BCCIP: variants seen among roughly 807,000 people sequenced by gnomAD.
BCCIP encodes BRCA2 and CDKN1A interacting protein, also known as BRCA2 and CDKN1A-interacting protein.
A neutral mutation model predicts 32.8 loss-of-function variants in BCCIP; 23 were observed. That is an observed-to-expected ratio of 0.70 (90% CI 0.51 to 0.99). The LOEUF (loss-of-function observed/expected upper bound fraction) is 0.99, where lower values mean the gene tolerates loss of function less well. Ranked by LOEUF, BCCIP falls within the 50% of genes least tolerant of loss-of-function variation. The probability of loss-of-function intolerance (pLI) is 0.00; values close to 1 mark genes in which losing one functional copy is unlikely to be tolerated. For missense variants in BCCIP, 378 were observed against 379.8 expected (o/e 1.00, Z 0.04); for synonymous variants, 144 against 137.6 (o/e 1.05, Z -0.33).
intron 7 of BCCIP, among the ~76,000 whole-genome samples, chr10:125,847,862 G>A (rs993669679): frequency 1.3e-5 from 2 of 151,962 alleles, no homozygotes; most frequent in Admixed American, 6.6e-5. Context: ...AATAGGGTTC[G>A]AGCTCCTACG....
rs935044344 is a variant in BCCIP at position 125,836,520 on chromosome 10, A to C, written c.*246A>C. On this transcript the variant is annotated 3_prime_UTR_variant, in exon 7 of 7. Transcript: ENST00000278100. ...CATGGAGTAGTAATTTAAAGAACTC[A>C]ATAAAAACTTCTATTTTTTATTTTA... The C allele has an allele frequency of 2.2e-6, 3 of 1,343,554 alleles. No individual in the cohort carries two copies. In the African/African-American group the frequency reaches 4.4e-5, roughly 20 times the overall value. 83.2% of individuals were successfully genotyped at this position (1,343,554 alleles called of 1,614,324 possible). A position where few individuals can be genotyped will look rare whatever the true frequency, so the allele number is the denominator to read the frequency against.
chr10:125,831,103 C>T (rs1854511976), intron 4 of BCCIP, among the ~76,000 whole-genome samples: 1 of 152,194 alleles, frequency 6.6e-6, no homozygotes, highest in African/African-American at 2.4e-5. Context: ...AAGATGCAGG[C>T]TACACTTAGT....
chr10:125,851,780 G>A (rs1944092127), intron 7 of BCCIP, among the ~76,000 whole-genome samples: 1 of 152,044 alleles, frequency 6.6e-6, no homozygotes, highest in South Asian at 2.1e-4. Flanking sequence ...ACATTAATAA[G>A]TGTGGTGGCT....
rs575453716 is a variant in BCCIP at position 125,842,120 on chromosome 10, G to C, written c.*761G>C. 1.4e-5 allele frequency: 11 copies of C among 761,304 alleles called. No homozygotes were observed. The South Asian group carries it at 2.4e-4, about 16-fold the overall frequency. The allele number at this position is 761,304 out of a possible 1,614,324, so 47.2% of individuals were successfully genotyped here. A position where few individuals can be genotyped will look rare whatever the true frequency, so the allele number is the denominator to read the frequency against. On this transcript the variant is annotated 3_prime_UTR_variant, in exon 7 of 7. Transcript: ENST00000299130. Reference sequence around the variant, plus strand: ...TTCTTGAGAGGGCAAACTCAGGAGGGGAGCCCTGTGATTGTCCAGCTCATG... The same window carrying C: ...TTCTTGAGAGGGCAAACTCAGGAGGCGAGCCCTGTGATTGTCCAGCTCATG...
chr10:125,838,313 C>CA, downstream of BCCIP: 1 of 1,613,832 alleles, frequency 6.2e-7, no homozygotes. Flanking sequence ...AGTAACCAGA[C>CA]AGGGGATGCA....
At chr10:125,844,457 A>G (rs1458006999), downstream of BCCIP, among the ~76,000 whole-genome samples, 1 of 152,246 alleles carries the variant, frequency 6.6e-6, no homozygotes, top group Non-Finnish European at 1.5e-5. Context: ...GGTTAGTAAC[A>G]TAAATGACTT....
chr10:125,824,913 A>C (rs908418358), intron 1 of BCCIP, among the ~76,000 whole-genome samples: 1 of 152,278 alleles, frequency 6.6e-6, no homozygotes, highest in Admixed American at 6.5e-5. Flanking sequence ...AGAGGTAATC[A>C]TGAGTCATGA....
exon 8 of BCCIP, chr10:125,853,237 G>A (rs192828114): frequency 1.9e-6 from 3 of 1,598,720 alleles, no homozygotes; most frequent in East Asian, 4.5e-5. Flanking sequence ...GAATTGCTCT[G>A]TCATAATAAG....
chr10:125,848,545 C>T (rs1944052772), intron 7 of BCCIP, among the ~76,000 whole-genome samples: 1 of 152,204 alleles, frequency 6.6e-6, no homozygotes, highest in South Asian at 2.1e-4. Context: ...AACCTGGCAC[C>T]TGGCATGCTC....
exon 8 of BCCIP, chr10:125,853,498 C>T (rs1944118526): frequency 4.3e-6 from 1 of 233,918 alleles, no homozygotes; most frequent in African/African-American, 2.3e-5. Flanking sequence ...CCAAAATTTG[C>T]TAAAATTAAA....
chr10:125,840,334 C>T (rs1487371759), downstream of BCCIP, among the ~76,000 whole-genome samples: 2 of 152,356 alleles, frequency 1.3e-5, no homozygotes, highest in South Asian at 4.1e-4. Flanking sequence ...CTTCTCTGGA[C>T]ACCCTCTGCT....
chr10:125,841,064 G>T (rs1854864182), downstream of BCCIP: 6 of 1,536,580 alleles, frequency 3.9e-6, no homozygotes, highest in Non-Finnish European at 3.5e-6. Context: ...AACATGCAGA[G>T]GGGAGGGGTC....
chr10:125,832,475 T>G (rs1319859230), intron 5 of BCCIP, among the ~76,000 whole-genome samples: 2 of 152,206 alleles, frequency 1.3e-5, no homozygotes, highest in Admixed American at 6.5e-5. Context: ...ATTCGATGCT[T>G]CTTATCTCCT....
At chr10:125,838,265 A>G, downstream of BCCIP, 1 of 1,613,526 alleles carries the variant, frequency 6.2e-7, no homozygotes, top group Non-Finnish European at 8.5e-7. Context: ...TGCTGAATTT[A>G]TGGAAGAGGA....
chr10:125,834,458 T>C (rs1053135772), intron 6 of BCCIP, among the ~76,000 whole-genome samples: 1 of 152,088 alleles, frequency 6.6e-6, no homozygotes, highest in Non-Finnish European at 1.5e-5. Context: ...GCTTGTACTG[T>C]GATGGACAGC....
At chr10:125,847,427 T>A (rs2366045), downstream of BCCIP, among the ~76,000 whole-genome samples, 149,817 of 152,332 alleles carry the variant, frequency 0.98, 73,687 homozygotes, top group East Asian at 1. Context: ...AACAGAGTGC[T>A]TCCAGAGTGC....
chr10:125,852,885 T>A (rs1252704420), intron 7 of BCCIP, among the ~76,000 whole-genome samples: 1 of 152,246 alleles, frequency 6.6e-6, no homozygotes, highest in African/African-American at 2.4e-5. Context: ...GAGACCTTTG[T>A]GTCATCTGCT....
At chr10:125,850,932 T>G (rs1484445657) in intron 7 of BCCIP, among the ~76,000 whole-genome samples, 1 of 152,226 alleles carries the variant, frequency 6.6e-6, no homozygotes, top group African/African-American at 2.4e-5. Context: ...GCCATCTGTT[T>G]CCACTGAAGT....
intron 3 of BCCIP, among the ~76,000 whole-genome samples, chr10:125,828,136 G>GAAA (rs1854447042): frequency 1.3e-5 from 2 of 152,108 alleles, no homozygotes; most frequent in Non-Finnish European, 2.9e-5. Context: ...GGCTCATTTA[G>GAAA]AAAATATTTG....
Sources: allele counts gnomAD v4.1 joint callset (sites outside exome capture counted in the v4.1 genomes callset), GRCh38; gene constraint gnomAD v4.1.1; transcripts MANE v1.5; gene names NCBI Gene and HGNC (gene_info 2026-07-23, HGNC 2026-07-21).